Variants in BNC2 observed in about 807,000 individuals in gnomAD.
The protein encoded by BNC2 is basonuclin zinc finger protein 2.
A neutral mutation model predicts 76.3 loss-of-function variants in BNC2; 20 were observed. The observed-to-expected ratio is 0.26, with a 90% CI of 0.18 to 0.38. BNC2 has a LOEUF of 0.38. Among genes scored for constraint, BNC2 ranks in the 10% least tolerant of loss-of-function variants. The probability of loss-of-function intolerance (pLI) is 1.00; values close to 1 mark genes in which losing one functional copy is unlikely to be tolerated. For missense variants in BNC2, 1,382 were observed against 1,399.8 expected (o/e 0.99, Z 0.20); for synonymous variants, 582 against 514.8 (o/e 1.13, Z -1.77).
chr9:16,694,650 G>A (rs1053914157), intron 3 of BNC2, among the ~76,000 whole-genome samples: 5 of 152,118 alleles, frequency 3.3e-5, no homozygotes, highest in African/African-American at 4.8e-5. Context: ...GAATCAACAC[G>A]GTTTTCTTTG....
chr9:16,789,742 C>T (rs115286551), intron 1 of BNC2, among the ~76,000 whole-genome samples: 2,525 of 152,280 alleles, frequency 0.017, 79 homozygotes, highest in African/African-American at 0.058. Context: ...TCTTGTCTCT[C>T]ACCAGTCAAC....
chr9:16,841,725 T>C (rs1365513826), intron 1 of BNC2, among the ~76,000 whole-genome samples: 1 of 151,722 alleles, frequency 6.6e-6, no homozygotes, highest in Non-Finnish European at 1.5e-5. Context: ...AAAAGATTAA[T>C]CCATGAAAAG....
At chr9:16,800,477 CA>C (rs896239779) in intron 1 of BNC2, among the ~76,000 whole-genome samples, 6 of 150,994 alleles carry the variant, frequency 4.0e-5, no homozygotes, top group African/African-American at 1.2e-4. Context: ...CTTTTCATAT[CA>C]AAAAAAATAG....
chr9:16,870,431 G>A (rs1020927932), intron 1 of BNC2, among the ~76,000 whole-genome samples: 4 of 151,896 alleles, frequency 2.6e-5, no homozygotes, highest in African/African-American at 7.2e-5. Flanking sequence ...TCAGAAACTT[G>A]GGGCCAAGTT....
At chr9:16,710,038 T>C (rs1189231842) in intron 3 of BNC2, among the ~76,000 whole-genome samples, 1 of 152,054 alleles carries the variant, frequency 6.6e-6, no homozygotes, top group Non-Finnish European at 1.5e-5. Context: ...AAACAGACAT[T>C]CTCTTATTTT....
intron 5 of BNC2, among the ~76,000 whole-genome samples, chr9:16,504,972 G>C (rs1278944293): frequency 6.6e-6 from 1 of 152,212 alleles, no homozygotes; most frequent in African/African-American, 2.4e-5. Context: ...TTATCATGTA[G>C]TAGGTAAAAG....
rs531233064 is a variant in BNC2, at chr9:16,742,984, T to C, written c.4-4499A>G. 7.9e-5 allele frequency among the ~76,000 whole-genome samples: 12 copies of C among 152,312 alleles called. No homozygotes were observed. The East Asian group carries it at 1.4e-3, about 17-fold the overall frequency. On this transcript the variant is annotated intron_variant, in intron 1 of 6. Transcript: ENST00000380672. Reference sequence around the variant, plus strand: ...TCAAGTGTACTGTCAGAAGGAAGCATGGACCTCATGAGTGAGAAAGGACAA... The same window carrying C: ...TCAAGTGTACTGTCAGAAGGAAGCACGGACCTCATGAGTGAGAAAGGACAA...
intron 3 of BNC2, among the ~76,000 whole-genome samples, chr9:16,702,099 G>C (rs1823532947): frequency 6.6e-6 from 1 of 152,044 alleles, no homozygotes; most frequent in Non-Finnish European, 1.5e-5. Context: ...CTACCCTTTA[G>C]GCATTCTGCA....
rs34877213 is a variant in BNC2 at position 16,860,121 on chromosome 9, CA to C, written c.3+10524del. 4.0e-3 allele frequency among the ~76,000 whole-genome samples: 539 copies of C among 135,416 alleles called. 2 individuals are homozygous for C. Among genetic ancestry groups the C allele is most frequent in the Non-Finnish European group, 5.9e-3 (371 of 63,096 alleles). The allele number at this position is 135,416 out of a possible 152,430, so 88.8% of individuals were successfully genotyped here. ...TGGACGACAGAGTGAGACTCCATCT[CA>C]AAAAAAAAAAAGGATTAACAAGATA... is the stretch of plus-strand genomic sequence containing the variant. On this transcript the variant is annotated intron_variant, in intron 1 of 6. Coordinates refer to ENST00000380672, the MANE Select transcript of BNC2 (RefSeq NM_017637.6).
At chr9:16,801,483 A>C (rs1207646932) in intron 1 of BNC2, among the ~76,000 whole-genome samples, 2 of 150,772 alleles carry the variant, frequency 1.3e-5, no homozygotes, top group Admixed American at 6.6e-5. Flanking sequence ...TGATCTACCC[A>C]CCTCAGCCTC....
At chr9:16,663,724 G>C (rs1822182595) in intron 3 of BNC2, among the ~76,000 whole-genome samples, 1 of 152,098 alleles carries the variant, frequency 6.6e-6, no homozygotes, top group African/African-American at 2.4e-5. Context: ...TGTGCCTGCT[G>C]GGATATCTAA....
At chr9:16,824,553 T>C (rs1386911471) in intron 1 of BNC2, among the ~76,000 whole-genome samples, 1 of 152,160 alleles carries the variant, frequency 6.6e-6, no homozygotes, top group African/African-American at 2.4e-5. Flanking sequence ...TCAGGTGCTT[T>C]CATATTCTCA....
intron 1 of BNC2, among the ~76,000 whole-genome samples, chr9:16,829,592 T>C (rs1361438915): frequency 2.0e-5 from 3 of 152,166 alleles, no homozygotes; most frequent in African/African-American, 7.2e-5. Flanking sequence ...TTAGTTCCTA[T>C]TCTCAGGGGT....
chr9:16,828,302 C>T lies in BNC2; in HGVS notation c.3+42344G>A, dbSNP rs540287634. Reference sequence around the variant, plus strand: ...TACTGATTATATTTTATAGAAAAACCACAGCAAACAACACATTATATTTAC... The same window carrying T: ...TACTGATTATATTTTATAGAAAAACTACAGCAAACAACACATTATATTTAC... On this transcript the variant is annotated intron_variant, in intron 1 of 6. Transcript: ENST00000380672. Among the ~76,000 whole-genome samples the T allele has an allele frequency of 9.9e-5, 15 of 152,146 alleles. No homozygotes were observed. In the East Asian group the frequency reaches 2.9e-3, roughly 29 times the overall value.
chr9:16,558,435 T>C (rs915777950), intron 4 of BNC2, among the ~76,000 whole-genome samples: 11 of 152,162 alleles, frequency 7.2e-5, no homozygotes, highest in Non-Finnish European at 1.3e-4. Context: ...TTGAGAAGAT[T>C]TGGCAGTGCT....
chr9:16,534,426 CCTT>C (rs1236220658), intron 5 of BNC2, among the ~76,000 whole-genome samples: 1 of 152,100 alleles, frequency 6.6e-6, no homozygotes, highest in Non-Finnish European at 1.5e-5. Context: ...CTCTCTTCCT[CCTT>C]CATTACCCTT....
chr9:16,604,683 T>C (rs1047297105), intron 3 of BNC2, among the ~76,000 whole-genome samples: 10 of 151,856 alleles, frequency 6.6e-5, no homozygotes, highest in African/African-American at 2.4e-4. Flanking sequence ...TGGGCGCCCG[T>C]AATCCCAGCT....
intron 5 of BNC2, among the ~76,000 whole-genome samples, chr9:16,462,180 G>A (rs532726033): frequency 1.3e-5 from 2 of 152,134 alleles, no homozygotes; most frequent in South Asian, 2.1e-4. Context: ...CCTCACTCAC[G>A]TTCTTTACTT....
intron 3 of BNC2, among the ~76,000 whole-genome samples, chr9:16,594,836 C>G (rs949466847): frequency 8.5e-5 from 13 of 152,170 alleles, no homozygotes; most frequent in African/African-American, 3.1e-4. Context: ...GGAAAGGAGC[C>G]TGATAATCCC....
Sources: allele counts gnomAD v4.1 joint callset (sites outside exome capture counted in the v4.1 genomes callset), GRCh38; gene constraint gnomAD v4.1.1; transcripts MANE v1.5; gene names NCBI Gene and HGNC (gene_info 2026-07-23, HGNC 2026-07-21).